The following CETP variants were observed in gnomAD, a reference collection of about 807,000 sequenced individuals.
The protein encoded by CETP is cholesteryl ester transfer protein.
CETP carries 56 observed loss-of-function variants against 66.5 expected under a neutral mutation model. The observed-to-expected ratio is 0.84, with a 90% CI of 0.68 to 1.05. The LOEUF (loss-of-function observed/expected upper bound fraction) is 1.05, where lower values mean the gene tolerates loss of function less well. Among genes scored for constraint, CETP ranks in the 50% least tolerant of loss-of-function variants. The probability of loss-of-function intolerance (pLI) is 0.00; values close to 1 mark genes in which losing one functional copy is unlikely to be tolerated. For synonymous variants in CETP, 251 were observed against 245.7 expected (o/e 1.02, Z -0.20); for missense variants, 612 against 609.6 (o/e 1.00, Z -0.04).
At chr16:56,983,275 C>A (rs1567476960) in intron 14 of CETP, 51 bp from the exon 15 acceptor site, 1 of 1,525,310 alleles carries the variant, frequency 6.6e-7, no homozygotes, top group East Asian at 2.2e-5. Context: ...GAGCCTCGGG[C>A]CGGCCTTGCT....
At chr16:56,972,387 G>GC (rs67114203) in intron 8 of CETP, among the ~76,000 whole-genome samples, 8 of 152,052 alleles carry the variant, frequency 5.3e-5, no homozygotes, top group African/African-American at 1.9e-4. Context: ...GTGGATTGTG[G>GC]CCCCCCCCCA....
chr16:56,975,163 C>T lies in CETP; in HGVS notation c.981+12C>T. 1 of 1,613,850 alleles carries T rather than the reference C, an allele frequency of 6.2e-7. No homozygotes were observed. The highest frequency in any genetic ancestry group is 8.5e-7 in the Non-Finnish European group (1 of 1,179,700). Reference sequence around the variant, plus strand: ...AAATCTTCCAAGAGGTAACTGCCCCCTGCCCCTGTGTGGGGTTTATCTCAC... The same window carrying T: ...AAATCTTCCAAGAGGTAACTGCCCCTTGCCCCTGTGTGGGGTTTATCTCAC... On this transcript the variant is annotated intron_variant, in intron 10 of 15. Transcript: ENST00000200676.
intron 1 of CETP, 65 bp downstream of exon 1, chr16:56,962,162 G>A: frequency 7.4e-7 from 1 of 1,358,462 alleles, no homozygotes; most frequent in South Asian, 1.2e-5. Context: ...TATGCCAGGA[G>A]CCTCCCTGGC....
chr16:56,975,086 C>T lies in CETP; in HGVS notation c.931-15C>T. 1 of 1,613,990 alleles carries T rather than the reference C, an allele frequency of 6.2e-7. No homozygotes were observed. The highest frequency in any genetic ancestry group is 8.5e-7 in the Non-Finnish European group (1 of 1,179,872). Reference sequence around the variant, plus strand: ...TTTACTCCACCCACCCTCCAACTTCCTCATTTCTTTTCAGGCAGTGCTGGA... The same window carrying T: ...TTTACTCCACCCACCCTCCAACTTCTTCATTTCTTTTCAGGCAGTGCTGGA... On this transcript the variant is annotated splice_polypyrimidine_tract_variant and intron_variant, in intron 9 of 15. Coordinates refer to ENST00000200676, the MANE Select transcript of CETP (RefSeq NM_000078.3).
At chr16:56,971,187 G>T (rs2056107192) in intron 6 of CETP, 85 bp downstream of exon 6, 8 of 1,528,446 alleles carry the variant, frequency 5.2e-6, no homozygotes, top group East Asian at 2.2e-5. Flanking sequence ...CCCTGAGAAG[G>T]TGCCACTCCC....
intron 10 of CETP, among the ~76,000 whole-genome samples, chr16:56,977,496 C>T (rs1274029780): frequency 6.6e-6 from 1 of 152,200 alleles, no homozygotes; most frequent in Non-Finnish European, 1.5e-5. Context: ...GGGAAGGCCT[C>T]TCCCACCTCC....
chr16:56,981,336 T>G, intron 12 of CETP, 111 bp downstream of exon 12: 3 of 898,724 alleles, frequency 3.3e-6, no homozygotes, highest in Non-Finnish European at 5.6e-6. Context: ...CCCTTTCTTC[T>G]GGGGCATATG....
intron 5 of CETP, among the ~76,000 whole-genome samples, chr16:56,970,497 C>A (rs1157672164): frequency 1.3e-5 from 2 of 152,180 alleles, no homozygotes; most frequent in African/African-American, 2.4e-5. Flanking sequence ...GGATTTGAAC[C>A]CAGCATTCTC....
In CETP at chr16:56,983,508, A is replaced by C. The variant is rs760345602; in HGVS notation, c.1408-84A>C. ...TGGGGGCTGTTGGGGAGACAGACAG[A>C]GGGGCCTCTACCAGCTTGGCTCCCT... is the stretch of plus-strand genomic sequence containing the variant. On this transcript the variant is annotated intron_variant, in intron 15 of 15. Transcript: ENST00000200676. 7.7e-5 allele frequency: 122 copies of C among 1,592,802 alleles called. No homozygotes were observed. The South Asian group carries it at 7.9e-4, about 10-fold the overall frequency.
chr16:56,962,782 T>C (rs2141990467), intron 1 of CETP, among the ~76,000 whole-genome samples: 1 of 152,254 alleles, frequency 6.6e-6, no homozygotes, highest in East Asian at 1.9e-4. Flanking sequence ...ATCCAGAGGC[T>C]AGGGTATGAT....
intron 10 of CETP, 34 bp from the exon 11 acceptor site, chr16:56,978,057 C>T: frequency 1.2e-6 from 2 of 1,611,624 alleles, no homozygotes; most frequent in South Asian, 2.2e-5. Flanking sequence ...CTGATGGGCC[C>T]CTGTCCTGGC....
At chr16:56,973,544 A>G in intron 9 of CETP, 34 bp downstream of exon 9, 2 of 1,612,008 alleles carry the variant, frequency 1.2e-6, no homozygotes, top group Non-Finnish European at 1.7e-6. Context: ...TAGGGGATCC[A>G]GATGGCATGT....
At position 56,961,974 on chromosome 16, in the gene CETP, A is replaced by G; in HGVS notation, c.-6A>G. 1 of 1,613,112 alleles carries G rather than the reference A, an allele frequency of 6.2e-7. No homozygotes were observed. Among genetic ancestry groups the G allele is most frequent in the Non-Finnish European group, 8.5e-7 (1 of 1,179,200 alleles). The stretch of plus-strand genomic sequence containing the variant: ...CGGGCCACTTACACACCACTGCCTG[A>G]TAACCATGCTGGCTGCCACAGTCCT... On this transcript the variant is annotated 5_prime_UTR_variant, in exon 1 of 16. Coordinates refer to ENST00000200676, the MANE Select transcript of CETP (RefSeq NM_000078.3).
At chr16:56,973,785 G>A (rs2142000810) in intron 9 of CETP, among the ~76,000 whole-genome samples, 1 of 152,350 alleles carries the variant, frequency 6.6e-6, no homozygotes, top group East Asian at 1.9e-4. Flanking sequence ...GGGAGCATGG[G>A]TAAGACTCCT....
At chr16:56,965,921 G>A (rs1300875088) in intron 2 of CETP, among the ~76,000 whole-genome samples, 3 of 152,074 alleles carry the variant, frequency 2.0e-5, no homozygotes, top group Non-Finnish European at 2.9e-5. Context: ...CAGGGCCAAC[G>A]CTTCTCCCAT....
intron 8 of CETP, 118 bp from the exon 9 acceptor site, chr16:56,973,213 C>T (rs2056125349): frequency 3.7e-6 from 4 of 1,079,610 alleles, no homozygotes; most frequent in African/African-American, 3.1e-5. Context: ...CAGCTCTTTC[C>T]TCAGTTTCCC....
Position 56,962,031 on chromosome 16 carries a change from T to A in CETP, c.52T>A (p.Cys18Ser). ...GGCCCTGCTGGGCAATGCCCATGCC[T>A]GCTCCAAAGGCACCTCGCACGAGGC... ...TLALLGNAHA[C>S]SKGTSHEAGI... The change falls in exon 1 of 16, where the codon TGC (cysteine) becomes AGC (serine). Residue 18 changes from cysteine to serine, a missense_variant. Coordinates refer to ENST00000200676, the MANE Select transcript of CETP (RefSeq NM_000078.3). The A allele has an allele frequency of 1.9e-6, 3 of 1,614,174 alleles. No individual in the cohort carries two copies. Among genetic ancestry groups the A allele is most frequent in the Non-Finnish European group, 2.5e-6 (3 of 1,180,034 alleles).
chr16:56,964,335 T>C (rs1166289763), intron 2 of CETP, among the ~76,000 whole-genome samples: 1 of 152,194 alleles, frequency 6.6e-6, no homozygotes, highest in East Asian at 1.9e-4. Context: ...CCTATCTTAA[T>C]CTTTATCATA....
In CETP at chr16:56,969,969, T is replaced by G; in HGVS notation, c.495T>G (p.His165Gln). 1.2e-6 allele frequency: 2 copies of G among 1,614,104 alleles called. No individual in the cohort carries two copies. The highest frequency in any genetic ancestry group is 1.7e-6 in the Non-Finnish European group (2 of 1,180,002). The change falls in exon 5 of 16, where the codon CAT becomes CAG. Residue 165 changes from histidine to glutamine, a missense_variant. By Grantham distance (24) the His-to-Gln change is conservative. Coordinates refer to ENST00000200676, the MANE Select transcript of CETP (RefSeq NM_000078.3). ...CCCCTGACTGCTACCTGTCTTTCCA[T>G]AAGCTGCTCCTGCATCTCCAAGGGG... Reference protein sequence around the residue: ...TDAPDCYLSFHKLLLHLQGER... With the variant: ...TDAPDCYLSFQKLLLHLQGER...
Sources: gnomAD v4.1 joint callset for allele counts (sites outside exome capture counted in the v4.1 genomes callset) on GRCh38, gnomAD v4.1.1 for gene constraint, MANE v1.5 for transcripts, NCBI Gene and HGNC (gene_info 2026-07-23, HGNC 2026-07-21) for gene names.